The following KIF26B variants were observed in gnomAD, a reference collection of about 807,000 sequenced individuals.
The protein encoded by KIF26B is kinesin family member 26B, also known as kinesin-like protein KIF26B.
Under a neutral mutation model 151.2 loss-of-function variants are expected in KIF26B, and 63 were observed. That is an observed-to-expected ratio of 0.42 (90% CI 0.34 to 0.51). The LOEUF (loss-of-function observed/expected upper bound fraction) is 0.51, where lower values mean the gene tolerates loss of function less well. Among genes scored for constraint, KIF26B ranks in the 20% least tolerant of loss-of-function variants. The pLI is 0.07. For missense variants in KIF26B, 2,813 were observed against 2,913.6 expected (o/e 0.97, Z 0.79); for synonymous variants, 1,357 against 1,262.1 (o/e 1.08, Z -1.59).
chr1:245,187,818 A>G (rs1669025718), intron 2 of KIF26B, among the ~76,000 whole-genome samples: 1 of 152,192 alleles, frequency 6.6e-6, no homozygotes, highest in African/African-American at 2.4e-5. Flanking sequence ...TGATAGGGAA[A>G]GTTGGTTAAG....
chr1:245,509,720 G>A (rs960693941), intron 4 of KIF26B, among the ~76,000 whole-genome samples: 4 of 152,172 alleles, frequency 2.6e-5, no homozygotes, highest in Non-Finnish European at 5.9e-5. Context: ...AGATGACTGG[G>A]ACTCCACATG....
chr1:245,184,870 G>A (rs972481482), intron 2 of KIF26B, among the ~76,000 whole-genome samples: 2 of 152,212 alleles, frequency 1.3e-5, no homozygotes, highest in African/African-American at 4.8e-5. Context: ...ATGGTAGACA[G>A]AGGTTTATTA....
intron 5 of KIF26B, among the ~76,000 whole-genome samples, chr1:245,555,711 C>T (rs764499336): frequency 1.3e-5 from 2 of 152,124 alleles, no homozygotes; most frequent in African/African-American, 2.4e-5. Flanking sequence ...AAACCCAAGA[C>T]CAGGTTACAC....
chr1:245,418,215 C>G (rs1161576177), intron 3 of KIF26B, among the ~76,000 whole-genome samples: 2 of 152,196 alleles, frequency 1.3e-5, no homozygotes, highest in African/African-American at 4.8e-5. Context: ...GCAAAGGAAG[C>G]CGGAGGAGAG....
At chr1:245,413,939 T>C (rs1414707584) in intron 3 of KIF26B, among the ~76,000 whole-genome samples, 1 of 152,152 alleles carries the variant, frequency 6.6e-6, no homozygotes, top group Non-Finnish European at 1.5e-5. Context: ...GAGCTCAACC[T>C]CTCTGACCCT....
In KIF26B at chr1:245,495,980, G is replaced by A. The variant is rs1297681280; in HGVS notation, c.1167-44787G>A. ...GTTTACAAACTTAATAAAGATATTCGTCAAACATTGAAGTGAAATAAAGAC... is the reference window on the plus strand; with the variant it reads ...GTTTACAAACTTAATAAAGATATTCATCAAACATTGAAGTGAAATAAAGAC... On this transcript the variant is annotated intron_variant, in intron 4 of 14. Transcript: ENST00000407071. This position sits in a 1 kb window ranked among gnomAD's most constrained non-coding sequence, Gnocchi z 4.2. Among the ~76,000 whole-genome samples the A allele has an allele frequency of 3.9e-5, 6 of 152,022 alleles. No homozygotes were observed. Among genetic ancestry groups the A allele is most frequent in the Non-Finnish European group, 7.4e-5 (5 of 68,002 alleles).
At chr1:245,314,114 G>A (rs1012462400) in intron 2 of KIF26B, among the ~76,000 whole-genome samples, 6 of 152,140 alleles carry the variant, frequency 3.9e-5, no homozygotes, top group South Asian at 4.1e-4. Context: ...AAACCCCTTG[G>A]GGTCAGAGAC....
intron 2 of KIF26B, among the ~76,000 whole-genome samples, chr1:245,346,261 G>T (rs1423379460): frequency 6.6e-6 from 1 of 152,038 alleles, no homozygotes; most frequent in African/African-American, 2.4e-5. Flanking sequence ...TTTTTTTATA[G>T]CAATGCAAGA....
intron 5 of KIF26B, among the ~76,000 whole-genome samples, chr1:245,546,048 T>C (rs1661733023): frequency 6.6e-6 from 1 of 152,204 alleles, no homozygotes; most frequent in African/African-American, 2.4e-5. Context: ...CCTTTTACCC[T>C]TTTAGGGTAG....
chr1:245,411,810 TTC>T (rs1320213829), intron 3 of KIF26B, among the ~76,000 whole-genome samples: 1 of 152,162 alleles, frequency 6.6e-6, no homozygotes, highest in African/African-American at 2.4e-5. Context: ...TTTTTTTTCT[TTC>T]TCTCTCTTAT....
chr1:245,601,281 C>A lies in KIF26B; in HGVS notation c.1351-1296C>A, dbSNP rs549725187. ...GTGCAGGACACCTGCGGACCCAGTG[C>A]CCTTGGGATTCTTTACCTTCAGCTT... is the stretch of plus-strand genomic sequence containing the variant. On this transcript the variant is annotated intron_variant, in intron 5 of 14. Transcript: ENST00000407071. This position sits in a 1 kb window ranked among gnomAD's most constrained non-coding sequence, Gnocchi z 4.4. Among the ~76,000 whole-genome samples, 4 of 152,316 alleles carry A rather than the reference C, an allele frequency of 2.6e-5. No homozygotes were observed. In the East Asian group the frequency reaches 7.7e-4, roughly 29 times the overall value.
At chr1:245,156,734 GCCGCCACCCACAGCAGCTGCTCAGC>G (rs1668443737) in intron 2 of KIF26B, 51 bp downstream of exon 2, 3 of 1,238,464 alleles carry the variant, frequency 2.4e-6, no homozygotes, top group Non-Finnish European at 3.2e-6. Flanking sequence ...GCGGGGCCGG[GCCGCCACCCACAGCAGCTGCTCAGC>G]CCGCCGCGAC....
chr1:245,395,701 T>C (rs1673818634), intron 3 of KIF26B, among the ~76,000 whole-genome samples: 1 of 152,194 alleles, frequency 6.6e-6, no homozygotes, highest in Non-Finnish European at 1.5e-5. Context: ...CTGACTTTAC[T>C]CTTGGGGCAA....
chr1:245,673,348 GCGCGCTGC>G (rs2044317746), intron 10 of KIF26B, among the ~76,000 whole-genome samples: 2 of 114,524 alleles, frequency 1.7e-5, no homozygotes, highest in East Asian at 3.3e-4. Context: ...AGTCCCCGCT[GCGCGCTGC>G]CATCTTAGGC....
chr1:245,393,547 A>G (rs963346298), intron 3 of KIF26B, among the ~76,000 whole-genome samples: 2 of 151,986 alleles, frequency 1.3e-5, no homozygotes, highest in African/African-American at 4.8e-5. Context: ...GTAATTTGGG[A>G]GTGAGACGCA....
Position 245,516,545 on chromosome 1 carries a change from C to T in KIF26B, c.1167-24222C>T, listed in dbSNP as rs915456123. ...CTATTATTCGCCTCTTCAGATCCAG[C>T]CCAGGAGTTGGTGCAGACTCATTTT... On this transcript the variant is annotated intron_variant, in intron 4 of 14. Coordinates refer to ENST00000407071, the MANE Select transcript of KIF26B (RefSeq NM_018012.4). The surrounding 1 kb of genome is among the most constrained non-coding windows in gnomAD (Gnocchi z 4.2). Among the ~76,000 whole-genome samples the T allele has an allele frequency of 1.3e-5, 2 of 152,090 alleles. No individual in the cohort carries two copies. The highest frequency in any genetic ancestry group is 4.8e-5 in the African/African-American group (2 of 41,402).
At chr1:245,651,610 T>A (rs912688507) in intron 10 of KIF26B, among the ~76,000 whole-genome samples, 21 of 152,216 alleles carry the variant, frequency 1.4e-4, no homozygotes, top group Admixed American at 8.5e-4. Context: ...CACAGATTGG[T>A]ACAGGTCCCT....
In KIF26B at chr1:245,413,111, T is replaced by C. The variant is rs116009931; in HGVS notation, c.1000-6468T>C. 3.7e-3 allele frequency among the ~76,000 whole-genome samples: 563 copies of C among 152,292 alleles called. 4 individuals carry two copies. The highest frequency in any genetic ancestry group is 0.013 in the African/African-American group (536 of 41,554). ...AACTAAACCAAATAAAATCCCGTGG[T>C]GAAAATTTAGTTCCCCTTAAAGCTT... On this transcript the variant is annotated intron_variant, in intron 3 of 14. Transcript: ENST00000407071.
intron 3 of KIF26B, among the ~76,000 whole-genome samples, chr1:245,369,251 A>G (rs977745942): frequency 6.6e-6 from 1 of 152,066 alleles, no homozygotes; most frequent in Non-Finnish European, 1.5e-5. Context: ...CCACTGGTGA[A>G]GCTGGGGAAG....
Sources: allele counts gnomAD v4.1 joint callset (sites outside exome capture counted in the v4.1 genomes callset), GRCh38; gene constraint gnomAD v4.1.1; non-coding constraint Gnocchi (gnomAD v3.1); transcripts MANE v1.5; gene names NCBI Gene and HGNC (gene_info 2026-07-23, HGNC 2026-07-21).